The following COL10A1 variants were observed in gnomAD, a reference collection of about 807,000 sequenced individuals.
The protein encoded by COL10A1 is collagen type X alpha 1 chain, also known as collagen alpha-1(X) chain.
In COL10A1, 10 loss-of-function variants were observed where a neutral mutation model predicts 18.2. The ratio of observed to expected loss-of-function variants is 0.55; its 90% confidence interval spans 0.34 to 0.93. COL10A1 has a LOEUF of 0.93. Ranked by LOEUF, COL10A1 falls within the 40% of genes least tolerant of loss-of-function variation. The pLI is 0.02. For missense variants in COL10A1, 897 were observed against 853.5 expected, an observed-to-expected ratio of 1.05 and a Z score of -0.64; for synonymous variants, 330 against 316.6, an observed-to-expected ratio of 1.04 and a Z score of -0.45.
upstream of COL10A1, among the ~76,000 whole-genome samples, chr6:116,130,959 AC>A (rs1315085035): frequency 6.6e-5 from 10 of 152,342 alleles, no homozygotes; most frequent in African/African-American, 2.4e-4. Context: ...CTGTAAAGTC[AC>A]ATGACACAGT....
At chr6:116,145,419 G>A in intron 1 of COL10A1, 1 of 353,318 alleles carries the variant, frequency 2.8e-6, no homozygotes, top group Non-Finnish European at 6.3e-6. Context: ...AACTTTTTCT[G>A]TTCTTTATTA....
chr6:116,192,098 T>C, the COL10A1 span, among the ~76,000 whole-genome samples: 1 of 152,032 alleles, frequency 6.6e-6, no homozygotes, highest in Non-Finnish European at 1.5e-5. Flanking sequence ...GAATTTGTCA[T>C]GTGGACTTAA....
At chr6:116,165,342 C>T in the COL10A1 span, among the ~76,000 whole-genome samples, 47 of 152,250 alleles carry the variant, frequency 3.1e-4, no homozygotes, top group African/African-American at 1.1e-3. Context: ...TCATATCTCA[C>T]TGGTGTTCTG....
intron 2 of COL10A1, among the ~76,000 whole-genome samples, chr6:116,124,549 G>A (rs1234519572): frequency 1.3e-5 from 2 of 152,172 alleles, no homozygotes; most frequent in Admixed American, 1.3e-4. Context: ...GCTAAAAGTA[G>A]TAGAAATAAA....
At chr6:116,149,694 G>A (rs1222236228) in intron 1 of COL10A1, among the ~76,000 whole-genome samples, 1 of 152,202 alleles carries the variant, frequency 6.6e-6, no homozygotes, top group Non-Finnish European at 1.5e-5. Flanking sequence ...ACTTAGTGTT[G>A]ATGCACCAAA....
At chr6:116,207,160 T>C in the COL10A1 span, among the ~76,000 whole-genome samples, 28 of 152,118 alleles carry the variant, frequency 1.8e-4, no homozygotes, top group East Asian at 4.5e-3. Flanking sequence ...CATTAATAAC[T>C]ATACCTATTC....
chr6:116,161,247 C>A (rs1429801474), upstream of COL10A1, among the ~76,000 whole-genome samples: 1 of 150,150 alleles, frequency 6.7e-6, no homozygotes, highest in Non-Finnish European at 1.5e-5. Flanking sequence ...TGCTAGATGA[C>A]GAGTTAGTGG....
At chr6:116,194,806 T>C in the COL10A1 span, among the ~76,000 whole-genome samples, 1 of 152,038 alleles carries the variant, frequency 6.6e-6, no homozygotes, top group Non-Finnish European at 1.5e-5. Flanking sequence ...GGGGCAGGTA[T>C]GGAGCTAGAA....
upstream of COL10A1, among the ~76,000 whole-genome samples, chr6:116,162,220 G>C (rs1028662446): frequency 6.6e-6 from 1 of 152,120 alleles, no homozygotes; most frequent in African/African-American, 2.4e-5. Context: ...TGTCCTCAGT[G>C]AATAGAGATA....
At chr6:116,175,411 C>T in the COL10A1 span, among the ~76,000 whole-genome samples, 13 of 152,078 alleles carry the variant, frequency 8.5e-5, no homozygotes, top group African/African-American at 2.2e-4. Flanking sequence ...TTGAAGTAGG[C>T]GGAGTATTTA....
At chr6:116,191,485 A>G in the COL10A1 span, among the ~76,000 whole-genome samples, 1 of 152,078 alleles carries the variant, frequency 6.6e-6, no homozygotes, top group Non-Finnish European at 1.5e-5. Context: ...TGCTTCATAA[A>G]TATTTACTGA....
Position 116,120,663 on chromosome 6 carries a change from G to A in COL10A1, c.1453C>T (p.Leu485Phe), listed in dbSNP as rs2114281563. 1.3e-6 allele frequency: 2 copies of A among 1,546,184 alleles called. No individual in the cohort carries two copies. Among genetic ancestry groups the A allele is most frequent in the East Asian group, 2.2e-5 (1 of 44,460 alleles). ...PGPAGIATKG[L>F]NGPTGPPGPP... ...CCTGGTGGCCCGGTGGGTCCATTGA[G>A]GCCCTTAGTTGCTATGCCAGCTGGG... The change falls in exon 3 of 3, where the codon CTC becomes TTC. Residue 485 changes from leucine (L) to phenylalanine (F), a missense_variant. By Grantham distance (22) the Leu-to-Phe change is conservative. Transcript: ENST00000651968.
chr6:116,158,527 G>C (rs548546858), intron 1 of COL10A1: 12 of 152,206 alleles, frequency 7.9e-5, no homozygotes, highest in African/African-American at 2.9e-4. Flanking sequence ...TATTTAAATA[G>C]TCACAGCCAG....
the COL10A1 span, among the ~76,000 whole-genome samples, chr6:116,202,333 T>A: frequency 1.3e-5 from 2 of 152,090 alleles, no homozygotes; most frequent in East Asian, 3.9e-4. Flanking sequence ...CAAAGTTCCT[T>A]CTCAATTTTG....
intron 1 of COL10A1, among the ~76,000 whole-genome samples, chr6:116,154,285 G>T (rs1426071467): frequency 6.6e-6 from 1 of 152,152 alleles, no homozygotes; most frequent in Non-Finnish European, 1.5e-5. Flanking sequence ...CATAGCTGGA[G>T]TAGGTTTCGT....
At chr6:116,189,256 G>A in the COL10A1 span, among the ~76,000 whole-genome samples, 1 of 151,430 alleles carries the variant, frequency 6.6e-6, no homozygotes, top group Non-Finnish European at 1.5e-5. Flanking sequence ...TTTTTCTCTT[G>A]TAAACCTTTA....
At chr6:116,205,900 A>C in the COL10A1 span, among the ~76,000 whole-genome samples, 2 of 151,908 alleles carry the variant, frequency 1.3e-5, no homozygotes, top group Non-Finnish European at 2.9e-5. Flanking sequence ...CAGCCTCTCT[A>C]GGCCTCATTT....
chr6:116,164,871 CAGG>C, the COL10A1 span, among the ~76,000 whole-genome samples: 1 of 151,970 alleles, frequency 6.6e-6, no homozygotes, highest in Admixed American at 6.6e-5. Context: ...ATCATAAGGT[CAGG>C]AGATCGAGAC....
intron 1 of COL10A1, among the ~76,000 whole-genome samples, chr6:116,143,120 A>C (rs936160248): frequency 6.6e-6 from 1 of 152,202 alleles, no homozygotes; most frequent in Non-Finnish European, 1.5e-5. Flanking sequence ...AATGCCTGAT[A>C]AATTTGCCTC....
Sources: allele counts gnomAD v4.1 joint callset (sites outside exome capture counted in the v4.1 genomes callset), GRCh38; gene constraint gnomAD v4.1.1; transcripts MANE v1.5; gene names NCBI Gene and HGNC (gene_info 2026-07-23, HGNC 2026-07-21).